The following SCN8A variants were observed in gnomAD, a reference collection of about 807,000 sequenced individuals.
The protein encoded by SCN8A is sodium voltage-gated channel alpha subunit 8, also known as sodium channel protein type 8 subunit alpha.
SCN8A carries 30 observed loss-of-function variants against 184.1 expected under a neutral mutation model. That is an observed-to-expected ratio of 0.16 (90% CI 0.12 to 0.22). The LOEUF (loss-of-function observed/expected upper bound fraction) is 0.22, where lower values mean the gene tolerates loss of function less well. Among genes scored for constraint, SCN8A ranks in the 10% least tolerant of loss-of-function variants. SCN8A has a pLI of 1.00. For missense variants in SCN8A, 1,057 were observed against 2,498.9 expected (o/e 0.42, Z 12.30); for synonymous variants, 852 against 907.0 (o/e 0.94, Z 1.09).
At chr12:51,796,655 T>C (rs1686594338) in intron 26 of SCN8A, among the ~76,000 whole-genome samples, 1 of 152,182 alleles carries the variant, frequency 6.6e-6, no homozygotes, top group Non-Finnish European at 1.5e-5. Flanking sequence ...AGTCCCACGA[T>C]AGGCCATCTG....
At position 51,786,565 on chromosome 12, in the gene SCN8A, C is replaced by T. The variant is rs775267842; in HGVS notation, c.3966C>T (p.Gly1322=). ...AGGTGGTGGTGAATGCCTTGGTGGG[C>T]GCCATCCCCTCCATCATGAATGTGC... ...GMRVVVNALV[G]AIPSIMNVLL... The change falls in exon 22 of 27, where the codon GGC becomes GGT. Residue 1322 remains glycine (G), a synonymous_variant. Transcript: ENST00000627620. 103 of 1,614,010 alleles carry T rather than the reference C, an allele frequency of 6.4e-5. No individual in the cohort carries two copies. Among genetic ancestry groups the T allele is most frequent in the Admixed American group, 5.8e-4 (35 of 59,986 alleles).
chr12:51,643,830 T>C (rs1418087821), intron 1 of SCN8A, among the ~76,000 whole-genome samples: 1 of 152,250 alleles, frequency 6.6e-6, no homozygotes, highest in African/African-American at 2.4e-5. Context: ...TTTTCCAACA[T>C]GACAGACAGA....
chr12:51,697,801 C>T (rs1217993867), intron 6 of SCN8A, among the ~76,000 whole-genome samples: 2 of 152,122 alleles, frequency 1.3e-5, no homozygotes, highest in Non-Finnish European at 2.9e-5. Flanking sequence ...GACTCATTTG[C>T]TATGTACTAA....
chr12:51,698,669 A>G (rs1382762789), intron 6 of SCN8A, among the ~76,000 whole-genome samples: 1 of 152,234 alleles, frequency 6.6e-6, no homozygotes, highest in East Asian at 1.9e-4. Flanking sequence ...TTACATTTAA[A>G]CTTTAAATTA....
chr12:51,693,138 T>A (rs1941538762), intron 6 of SCN8A, among the ~76,000 whole-genome samples: 1 of 152,250 alleles, frequency 6.6e-6, no homozygotes, highest in Admixed American at 6.5e-5. Context: ...AGCATTTTCT[T>A]TAAACGTATA....
chr12:51,780,696 A>G lies in SCN8A; in HGVS notation c.3867A>G (p.Leu1289=), dbSNP rs752113480. Reference sequence around the variant, plus strand: ...CTAATGCCCTGGGCTACTCGGAACTAGGTGCCATAAAGTCCCTTAGGACCC... The same window carrying G: ...CTAATGCCCTGGGCTACTCGGAACTGGGTGCCATAAAGTCCCTTAGGACCC... ...LIANALGYSE[L]GAIKSLRTLR... is the part of the protein sequence containing the mutation. The change falls in exon 21 of 27, where the codon CTA becomes CTG. Residue 1289 remains leucine, a synonymous_variant. Coordinates refer to ENST00000627620, the MANE Select transcript of SCN8A (RefSeq NM_001330260.2). 1 of 1,599,926 alleles carries G rather than the reference A, an allele frequency of 6.3e-7. No homozygotes were observed. The highest frequency in any genetic ancestry group is 8.5e-7 in the Non-Finnish European group (1 of 1,174,092).
intron 25 of SCN8A, among the ~76,000 whole-genome samples, chr12:51,793,353 G>C (rs1200518788): frequency 6.6e-6 from 1 of 152,114 alleles, no homozygotes; most frequent in African/African-American, 2.4e-5. Context: ...GAACAAGCTG[G>C]GTGAGGGGCA....
intron 6 of SCN8A, 96 bp downstream of exon 6, chr12:51,689,192 A>T: frequency 2.2e-6 from 2 of 923,074 alleles, no homozygotes; most frequent in Non-Finnish European, 3.4e-6. Context: ...AGTACAGTTG[A>T]TAATGGCCTT....
chr12:51,666,015 T>C (rs1460616908), intron 2 of SCN8A, among the ~76,000 whole-genome samples: 1 of 152,132 alleles, frequency 6.6e-6, no homozygotes, highest in African/African-American at 2.4e-5. Flanking sequence ...TCAGCCAAGA[T>C]TGTGCTACTG....
At chr12:51,710,056 C>G (rs867958344) in intron 11 of SCN8A, among the ~76,000 whole-genome samples, 1 of 151,972 alleles carries the variant, frequency 6.6e-6, no homozygotes, top group African/African-American at 2.4e-5. Context: ...AATTAAACAT[C>G]TTATTGAAGG....
chr12:51,764,909 G>T (rs933405281), intron 15 of SCN8A, among the ~76,000 whole-genome samples: 1 of 151,538 alleles, frequency 6.6e-6, no homozygotes, highest in African/African-American at 2.4e-5. Flanking sequence ...CAAGTAGCTG[G>T]GATTACAGGC....
At chr12:51,672,686 AT>A (rs1565881728) in intron 2 of SCN8A, among the ~76,000 whole-genome samples, 1 of 152,300 alleles carries the variant, frequency 6.6e-6, no homozygotes, top group East Asian at 1.9e-4. Context: ...TATATTCAGA[AT>A]TGAACTCATT....
intron 1 of SCN8A, among the ~76,000 whole-genome samples, chr12:51,660,082 C>A (rs537480168): frequency 6.6e-6 from 1 of 152,088 alleles, no homozygotes; most frequent in African/African-American, 2.4e-5. Context: ...GAAGGCCAGC[C>A]CTTAGAGAAG....
intron 16 of SCN8A, chr12:51,768,244 T>G (rs1321648948): frequency 6.6e-6 from 1 of 152,168 alleles, no homozygotes; most frequent in Non-Finnish European, 1.5e-5. Flanking sequence ...AAAACAAAAA[T>G]AAATAAAGCT....
At chr12:51,663,513 T>C (rs184459949) in intron 2 of SCN8A, among the ~76,000 whole-genome samples, 20 of 152,332 alleles carry the variant, frequency 1.3e-4, no homozygotes, top group East Asian at 1.2e-3. Context: ...CTCTCTTGTC[T>C]AGCTCCCTTT....
intron 2 of SCN8A, among the ~76,000 whole-genome samples, chr12:51,677,468 C>G (rs1941242129): frequency 6.6e-6 from 1 of 152,022 alleles, no homozygotes; most frequent in South Asian, 2.1e-4. Flanking sequence ...TGCTAATAAA[C>G]TAGCTGTACT....
intron 25 of SCN8A, among the ~76,000 whole-genome samples, chr12:51,791,869 C>A (rs879310255): frequency 6.6e-6 from 1 of 151,922 alleles, no homozygotes; most frequent in Admixed American, 6.6e-5. Flanking sequence ...TAGGGAGGGA[C>A]CCTGTCTCAA....
At chr12:51,771,117 G>T (rs1272846367) in intron 19 of SCN8A, among the ~76,000 whole-genome samples, 2 of 152,164 alleles carry the variant, frequency 1.3e-5, no homozygotes, top group Non-Finnish European at 2.9e-5. Flanking sequence ...TGGTACAAAG[G>T]TTATTTATAT....
In SCN8A at chr12:51,684,227, T is replaced by C. The variant is rs1941382403; in HGVS notation, c.330T>C (p.Pro110=). The change falls in exon 3 of 27, where the codon CCT becomes CCC. Residue 110 remains proline (P), a synonymous_variant. Coordinates refer to ENST00000627620, the MANE Select transcript of SCN8A (RefSeq NM_001330260.2). ...CTCTCTTCAGATTTAGTGCCACGCC[T>C]GCCTTGTACATTTTAAGTCCTTTTA... is the stretch of plus-strand genomic sequence containing the variant. The part of the protein sequence containing the change: ...GKTLFRFSAT[P]ALYILSPFNL... 3 of 1,609,540 alleles carry C rather than the reference T, an allele frequency of 1.9e-6. No homozygotes were observed. The highest frequency in any genetic ancestry group is 8.5e-7 in the Non-Finnish European group (1 of 1,175,808).
Sources: gnomAD v4.1 joint callset for allele counts (sites outside exome capture counted in the v4.1 genomes callset) on GRCh38, gnomAD v4.1.1 for gene constraint, MANE v1.5 for transcripts, NCBI Gene and HGNC (gene_info 2026-07-23, HGNC 2026-07-21) for gene names.